SLCO3A1: variants seen among roughly 807,000 people sequenced by gnomAD.
SLCO3A1 encodes the protein PGE1 transporter.
A neutral mutation model predicts 63.1 loss-of-function variants in SLCO3A1; 27 were observed. The observed-to-expected ratio is 0.43, with a 90% CI of 0.32 to 0.59. The LOEUF is 0.59. SLCO3A1 is among the 20% of genes least tolerant of loss of function. The pLI is 0.09. For synonymous variants in SLCO3A1, 473 were observed against 409.9 expected, an observed-to-expected ratio of 1.15 and a Z score of -1.86; for missense variants, 773 against 945.8, an observed-to-expected ratio of 0.82 and a Z score of 2.40.
chr15:91,858,927 G>C (rs1435993930), intron 1 of SLCO3A1, among the ~76,000 whole-genome samples: 6 of 152,224 alleles, frequency 3.9e-5, no homozygotes, highest in Non-Finnish European at 8.8e-5. Flanking sequence ...CATGCAGAAA[G>C]AGTGAAGAAT....
intron 2 of SLCO3A1, among the ~76,000 whole-genome samples, chr15:91,921,257 C>T (rs1486773733): frequency 6.6e-6 from 1 of 152,224 alleles, no homozygotes; most frequent in Non-Finnish European, 1.5e-5. Context: ...ATTTACTCCT[C>T]TTACAAGGTC....
chr15:92,036,647 C>T (rs965631748), intron 2 of SLCO3A1, among the ~76,000 whole-genome samples: 1 of 152,100 alleles, frequency 6.6e-6, no homozygotes, highest in African/African-American at 2.4e-5. Flanking sequence ...TGCTGCTATC[C>T]AATTAAATTT....
At chr15:92,057,422 G>C (rs1487201648) in intron 2 of SLCO3A1, among the ~76,000 whole-genome samples, 1 of 152,188 alleles carries the variant, frequency 6.6e-6, no homozygotes, top group Admixed American at 6.5e-5. Context: ...ATATTGGCAG[G>C]CTCCAAGCAT....
intron 1 of SLCO3A1, among the ~76,000 whole-genome samples, chr15:91,899,717 A>C (rs1898103978): frequency 6.6e-6 from 1 of 152,172 alleles, no homozygotes. Context: ...CTCAGTTTTA[A>C]AACATTCCAT....
chr15:92,087,188 A>T (rs1420922804), intron 2 of SLCO3A1, among the ~76,000 whole-genome samples: 1 of 151,050 alleles, frequency 6.6e-6, no homozygotes, highest in East Asian at 1.9e-4. Context: ...ATAGTTGCAA[A>T]TTGTCCTGGC....
intron 2 of SLCO3A1, among the ~76,000 whole-genome samples, chr15:91,926,596 T>TGTGTGTGTGTGCGCGCGCGTGCGCGCGC: frequency 9.5e-6 from 1 of 105,256 alleles, no homozygotes; most frequent in African/African-American, 3.7e-5. Flanking sequence ...TGTGTGTGTG[T>TGTGTGTGTGTGCGCGCGCGTGCGCGCGC]GCGCGCGCGC....
At chr15:92,022,421 A>G (rs1231066986) in intron 2 of SLCO3A1, among the ~76,000 whole-genome samples, 1 of 152,170 alleles carries the variant, frequency 6.6e-6, no homozygotes, top group Non-Finnish European at 1.5e-5. Flanking sequence ...AGAACTATTA[A>G]GGAAATCTAT....
intron 4 of SLCO3A1, among the ~76,000 whole-genome samples, chr15:92,110,204 A>C (rs951528143): frequency 6.6e-6 from 1 of 152,040 alleles, no homozygotes; most frequent in Non-Finnish European, 1.5e-5. Context: ...CCAGCAATGC[A>C]GTCCATCCTG....
chr15:92,150,891 A>C, intron 8 of SLCO3A1, 59 bp from the exon 9 acceptor site: 1 of 1,272,088 alleles, frequency 7.9e-7, no homozygotes, highest in East Asian at 2.3e-5. Context: ...GGGGTCTGTT[A>C]ATTACAGGGG....
intron 1 of SLCO3A1, chr15:91,889,060 T>A: frequency 2.5e-5 from 16 of 644,846 alleles, no homozygotes; most frequent in Middle Eastern, 3.3e-4. Context: ...CAATTATTAC[T>A]AGCTAACATA....
chr15:92,170,123 T>A (rs996316623), downstream of SLCO3A1, among the ~76,000 whole-genome samples: 1 of 152,182 alleles, frequency 6.6e-6, no homozygotes, highest in African/African-American at 2.4e-5. Flanking sequence ...ACGTTAACCT[T>A]ATAGAAGATT....
chr15:92,165,314 A>G lies in SLCO3A1; in HGVS notation c.*2179A>G. The G allele has an allele frequency of 2.0e-6, 2 of 985,078 alleles. No individual in the cohort carries two copies. Among genetic ancestry groups the G allele is most frequent in the Non-Finnish European group, 2.4e-6 (2 of 829,594 alleles). 61.0% of individuals were successfully genotyped at this position (985,078 alleles called of 1,614,324 possible). A position where few individuals can be genotyped will look rare whatever the true frequency, so the allele number is the denominator to read the frequency against. ...CTACTAAAGGGGAGATGGTTCTCCA[A>G]CCACTTCATAAAATATGTATGTTCT... On this transcript the variant is annotated 3_prime_UTR_variant, in exon 10 of 10. Transcript: ENST00000318445.
intron 1 of SLCO3A1, among the ~76,000 whole-genome samples, chr15:91,890,253 T>G (rs921126228): frequency 6.6e-6 from 1 of 152,252 alleles, no homozygotes; most frequent in Non-Finnish European, 1.5e-5. Flanking sequence ...CATTTTGCTA[T>G]ATTTGCTGTA....
intron 2 of SLCO3A1, among the ~76,000 whole-genome samples, chr15:92,051,629 T>TCCTAATAAAA (rs2046958514): frequency 6.6e-6 from 1 of 152,106 alleles, no homozygotes; most frequent in African/African-American, 2.4e-5. Context: ...AAGGAGGGGC[T>TCCTAATAAAA]TTGGAGCATG....
At chr15:92,146,287 C>T (rs1163867761) in intron 7 of SLCO3A1, among the ~76,000 whole-genome samples, 2 of 152,188 alleles carry the variant, frequency 1.3e-5, no homozygotes, top group African/African-American at 2.4e-5. Flanking sequence ...CTAGAATCCA[C>T]CCCGAAGATC....
chr15:92,010,921 G>C (rs1218997451), intron 2 of SLCO3A1, among the ~76,000 whole-genome samples: 2 of 152,196 alleles, frequency 1.3e-5, no homozygotes, highest in Admixed American at 1.3e-4. Flanking sequence ...TCCAGTCCAA[G>C]CCATCATTGT....
At chr15:92,001,247 G>A (rs2046251810) in intron 2 of SLCO3A1, among the ~76,000 whole-genome samples, 1 of 152,140 alleles carries the variant, frequency 6.6e-6, no homozygotes, top group Non-Finnish European at 1.5e-5. Flanking sequence ...AAAACATGCT[G>A]TATTTGCATT....
intron 2 of SLCO3A1, among the ~76,000 whole-genome samples, chr15:91,946,350 T>C (rs747955142): frequency 1.3e-5 from 2 of 152,220 alleles, no homozygotes; most frequent in Non-Finnish European, 2.9e-5. Context: ...CCTGTGAATC[T>C]GATCGTGTTA....
intron 2 of SLCO3A1, among the ~76,000 whole-genome samples, chr15:92,085,945 AT>A (rs1264366532): frequency 6.6e-6 from 1 of 152,240 alleles, no homozygotes; most frequent in East Asian, 1.9e-4. Context: ...CATGTCATTG[AT>A]GATCACCTAT....
Sources: allele counts gnomAD v4.1 joint callset (sites outside exome capture counted in the v4.1 genomes callset), GRCh38; gene constraint gnomAD v4.1.1; transcripts MANE v1.5; gene names NCBI Gene and HGNC (gene_info 2026-07-23, HGNC 2026-07-21).